CDH4: variants seen among roughly 807,000 people sequenced by gnomAD.
CDH4 encodes the protein cadherin 4.
In CDH4, 33 loss-of-function variants were observed where a neutral mutation model predicts 86.0. The observed-to-expected ratio is 0.38, with a 90% confidence interval of 0.29 to 0.51. CDH4 has a LOEUF of 0.51. CDH4 is among the 20% of genes least tolerant of loss of function. The pLI is 0.86. For synonymous variants in CDH4, 555 were observed against 549.4 expected, an observed-to-expected ratio of 1.01 and a Z score of -0.14; for missense variants, 1,114 against 1,307.4, an observed-to-expected ratio of 0.85 and a Z score of 2.28.
intron 2 of CDH4, among the ~76,000 whole-genome samples, chr20:61,502,743 T>C (rs1489463777): frequency 6.6e-6 from 1 of 152,216 alleles, no homozygotes; most frequent in Non-Finnish European, 1.5e-5. Flanking sequence ...TGCCGTTATT[T>C]TCTTTTTTGT....
intron 2 of CDH4, among the ~76,000 whole-genome samples, chr20:61,741,301 G>T (rs914979943): frequency 6.6e-6 from 1 of 152,188 alleles, no homozygotes; most frequent in Non-Finnish European, 1.5e-5. Context: ...CACCCACGGA[G>T]CTGCCTTTGA....
intron 2 of CDH4, among the ~76,000 whole-genome samples, chr20:61,373,575 G>A (rs2084851589): frequency 6.6e-6 from 1 of 152,156 alleles, no homozygotes; most frequent in African/African-American, 2.4e-5. Context: ...CAAAGCTGTA[G>A]CAATTCCTTG....
chr20:61,793,129 A>T (rs117053841), intron 4 of CDH4, among the ~76,000 whole-genome samples: 2,437 of 151,610 alleles, frequency 0.016, 28 homozygotes, highest in Non-Finnish European at 0.023. Context: ...CGCCCAACTA[A>T]TTTTTTGTAT....
intron 2 of CDH4, among the ~76,000 whole-genome samples, chr20:61,287,568 T>C (rs552848336): frequency 6.6e-6 from 1 of 152,286 alleles, no homozygotes; most frequent in East Asian, 1.9e-4. Context: ...GGATGCCCCA[T>C]TGACTTCTGT....
rs554795263 is a variant in CDH4 at position 61,328,183 on chromosome 20, A to T, written c.169+73246A>T. Among the ~76,000 whole-genome samples the T allele has an allele frequency of 9.9e-5, 15 of 152,072 alleles. No homozygotes were observed. The South Asian group carries it at 2.3e-3, about 23-fold the overall frequency. Reference sequence around the variant, plus strand: ...CTCTCTAATAAAATTGCTATTTTTTAAAATTTTTTTGAGATGAAGTCTCGC... The same window carrying T: ...CTCTCTAATAAAATTGCTATTTTTTTAAATTTTTTTGAGATGAAGTCTCGC... On this transcript the variant is annotated intron_variant, in intron 2 of 15. Coordinates refer to ENST00000614565, the MANE Select transcript of CDH4 (RefSeq NM_001794.5).
intron 2 of CDH4, among the ~76,000 whole-genome samples, chr20:61,298,739 A>G (rs1179451466): frequency 6.6e-6 from 1 of 151,998 alleles, no homozygotes; most frequent in African/African-American, 2.4e-5. Context: ...AATAAACTTA[A>G]AAGAACACAG....
chr20:61,834,663 G>A (rs140691795), intron 4 of CDH4, among the ~76,000 whole-genome samples: 5 of 152,346 alleles, frequency 3.3e-5, no homozygotes, highest in Admixed American at 6.5e-5. Context: ...TGGCATGGGC[G>A]ACACCTCTGA....
At chr20:61,452,157 G>C (rs1161310695) in intron 2 of CDH4, among the ~76,000 whole-genome samples, 1 of 152,188 alleles carries the variant, frequency 6.6e-6, no homozygotes, top group Non-Finnish European at 1.5e-5. Context: ...TGCTCAGGTT[G>C]TAATAAAGCA....
intron 13 of CDH4, 40 bp from the exon 14 acceptor site, chr20:61,932,945 C>A: frequency 6.3e-7 from 1 of 1,597,108 alleles, no homozygotes; most frequent in South Asian, 1.1e-5. Flanking sequence ...CATGCGCACA[C>A]CCGCAGCACA....
At chr20:61,270,753 G>A (rs1442197496) in intron 2 of CDH4, among the ~76,000 whole-genome samples, 5 of 152,164 alleles carry the variant, frequency 3.3e-5, no homozygotes, top group East Asian at 3.8e-4. Flanking sequence ...CGTATCCTTC[G>A]TAAATGGTAG....
rs2084631419 is a variant in CDH4, at chr20:61,338,398, A to G, written c.169+83461A>G. 1.3e-5 allele frequency among the ~76,000 whole-genome samples: 2 copies of G among 152,288 alleles called. 1 individual carries two copies. Among genetic ancestry groups the G allele is most frequent in the Middle Eastern group, 6.8e-3 (2 of 294 alleles). On this transcript the variant is annotated intron_variant, in intron 2 of 15. Transcript: ENST00000614565. ...CTTGGCAACAATTGAGTAGTTGTAC[A>G]TAAGATTTGACCAGGAATGGAAGTG... is the stretch of plus-strand genomic sequence containing the variant.
chr20:61,259,814 C>T (rs1358851732), intron 2 of CDH4, among the ~76,000 whole-genome samples: 2 of 152,182 alleles, frequency 1.3e-5, no homozygotes, highest in African/African-American at 4.8e-5. Flanking sequence ...TTAGGTTAGT[C>T]TATTAGGTTA....
chr20:61,418,802 G>C (rs1221179793), intron 2 of CDH4, among the ~76,000 whole-genome samples: 1 of 152,146 alleles, frequency 6.6e-6, no homozygotes, highest in Admixed American at 6.5e-5. Context: ...AGCCCAGGAT[G>C]TCCAGGCTGC....
intron 2 of CDH4, among the ~76,000 whole-genome samples, chr20:61,410,439 G>GTCCATCCA (rs201597174): frequency 2.5e-5 from 2 of 79,588 alleles, no homozygotes; most frequent in Admixed American, 1.7e-4. Flanking sequence ...CCTCCCACTG[G>GTCCATCCA]TCCATCCATC....
rs1281180873 is a variant in CDH4 at position 61,929,816 on chromosome 20, T to A, written c.2213T>A (p.Ile738Asn). 6.2e-7 allele frequency: 1 copy of A among 1,613,818 alleles called. No homozygotes were observed. Among genetic ancestry groups the A allele is most frequent in the Non-Finnish European group, 8.5e-7 (1 of 1,179,966 alleles). The change falls in exon 13 of 16, where the codon ATC (isoleucine) becomes AAC (asparagine). Residue 738 changes from isoleucine to asparagine, a missense_variant. Ile to Asn is a moderately radical substitution (Grantham distance 149, BLOSUM62 -3). This residue lies in a region of CDH4 where 705 missense variants were observed against 914.1 expected (regional missense o/e 0.77). Coordinates refer to ENST00000614565, the MANE Select transcript of CDH4 (RefSeq NM_001794.5). ...AGLGTGAIVAILICILILLTM... is the reference protein window; with the variant it reads ...AGLGTGAIVANLICILILLTM... The stretch of plus-strand genomic sequence containing the variant: ...CTGGGCACCGGTGCCATCGTGGCCA[T>A]CCTCATCTGCATCCTCATCCTGCTG...
At chr20:61,280,764 C>G (rs2084254285) in intron 2 of CDH4, among the ~76,000 whole-genome samples, 1 of 152,188 alleles carries the variant, frequency 6.6e-6, no homozygotes. Flanking sequence ...TATGCAGCAT[C>G]CCTGCGTGTG....
At chr20:61,881,277 C>T (rs1169965459) in intron 7 of CDH4, among the ~76,000 whole-genome samples, 1 of 152,220 alleles carries the variant, frequency 6.6e-6, no homozygotes, top group African/African-American at 2.4e-5. Flanking sequence ...CAGGAAGCTG[C>T]GCTGCGAAGG....
intron 4 of CDH4, among the ~76,000 whole-genome samples, chr20:61,787,748 G>A (rs877453): frequency 0.26 from 39,247 of 152,182 alleles, 5,791 homozygotes; most frequent in East Asian, 0.4. Flanking sequence ...AGGTGGCCAA[G>A]AAAGTCACTT....
At chr20:61,497,757 C>T (rs1386082734) in intron 2 of CDH4, among the ~76,000 whole-genome samples, 1 of 152,118 alleles carries the variant, frequency 6.6e-6, no homozygotes, top group Admixed American at 6.5e-5. Context: ...CACATGCACA[C>T]GTAGGTTTAT....
Sources: allele counts gnomAD v4.1 joint callset (sites outside exome capture counted in the v4.1 genomes callset), GRCh38; gene constraint gnomAD v4.1.1; regional missense constraint gnomAD v4.1.1; transcripts MANE v1.5; gene names NCBI Gene and HGNC (gene_info 2026-07-23, HGNC 2026-07-21).